Variants in DOCK9 observed in about 807,000 individuals in gnomAD.
The protein encoded by DOCK9 is dedicator of cytokinesis 9.
DOCK9 carries 89 observed loss-of-function variants against 263.3 expected under a neutral mutation model. The ratio of observed to expected loss-of-function variants is 0.34; its 90% CI spans 0.28 to 0.40. The LOEUF (loss-of-function observed/expected upper bound fraction) is 0.40, where lower values mean the gene tolerates loss of function less well. DOCK9 is among the 10% of genes least tolerant of loss of function. The probability of loss-of-function intolerance (pLI) is 1.00; values close to 1 mark genes in which losing one functional copy is unlikely to be tolerated. For missense variants in DOCK9, 2,140 were observed against 2,603.4 expected, an observed-to-expected ratio of 0.82 and a Z score of 3.87; for synonymous variants, 976 against 973.1, an observed-to-expected ratio of 1.00 and a Z score of -0.06.
chr13:98,939,059 C>T (rs1422884308), intron 2 of DOCK9, among the ~76,000 whole-genome samples: 1 of 152,226 alleles, frequency 6.6e-6, no homozygotes, highest in Admixed American at 6.5e-5. Flanking sequence ...GGCTCTGATG[C>T]AGGAAGAGAT....
At chr13:98,834,856 A>C (rs1217319969) in intron 39 of DOCK9, among the ~76,000 whole-genome samples, 1 of 151,976 alleles carries the variant, frequency 6.6e-6, no homozygotes, top group East Asian at 1.9e-4. Context: ...TCTTTACTCA[A>C]CTCACTTCAT....
At chr13:98,899,826 T>A (rs548502256) in intron 13 of DOCK9, among the ~76,000 whole-genome samples, 1 of 152,336 alleles carries the variant, frequency 6.6e-6, no homozygotes, top group African/African-American at 2.4e-5. Flanking sequence ...GAACACAGTA[T>A]GTGTGAAAGT....
chr13:98,855,797 CA>C, intron 34 of DOCK9, 100 bp downstream of exon 34: 1 of 1,457,176 alleles, frequency 6.9e-7, no homozygotes. Flanking sequence ...TAGAAAAAAA[CA>C]AAAGGTCACA....
chr13:99,012,959 T>C (rs187084066), intron 1 of DOCK9, among the ~76,000 whole-genome samples: 46 of 152,298 alleles, frequency 3.0e-4, no homozygotes, highest in Middle Eastern at 3.4e-3. Flanking sequence ...CTCAGTAGTT[T>C]CTCCAAGTTC....
intron 1 of DOCK9, among the ~76,000 whole-genome samples, chr13:98,999,316 A>ACACACACACACACACACACACT: frequency 3.6e-5 from 5 of 138,292 alleles, no homozygotes; most frequent in Admixed American, 7.0e-5. Context: ...ACACACACAC[A>ACACACACACACACACACACACT]CTCTCTCTCT....
intron 38 of DOCK9, among the ~76,000 whole-genome samples, chr13:98,843,409 C>G (rs1594592206): frequency 1.3e-5 from 2 of 152,114 alleles, no homozygotes; most frequent in Non-Finnish European, 2.9e-5. Flanking sequence ...AGTATGCACT[C>G]CCTTCTCTGT....
chr13:99,063,670 C>G (rs1452946361), intron 1 of DOCK9, among the ~76,000 whole-genome samples: 1 of 152,166 alleles, frequency 6.6e-6, no homozygotes, highest in East Asian at 1.9e-4. Flanking sequence ...GGGACCAATA[C>G]TTTTATAAAA....
At chr13:99,077,180 A>G (rs555573882) in intron 1 of DOCK9, among the ~76,000 whole-genome samples, 78 of 152,296 alleles carry the variant, frequency 5.1e-4, no homozygotes, top group African/African-American at 1.8e-3. Flanking sequence ...TTGAACCTAT[A>G]AGGATGGATT....
intron 49 of DOCK9, 57 bp downstream of exon 49, chr13:98,804,942 G>A: frequency 2.0e-6 from 3 of 1,536,856 alleles, no homozygotes; most frequent in Non-Finnish European, 2.6e-6. Context: ...AATCCCTCTG[G>A]ACAGCTCTTT....
intron 27 of DOCK9, among the ~76,000 whole-genome samples, chr13:98,877,762 C>A (rs1488666424): frequency 6.6e-6 from 1 of 152,120 alleles, no homozygotes; most frequent in African/African-American, 2.4e-5. Context: ...TCCTTGAGGG[C>A]AAAAACTGTG....
At chr13:98,974,025 G>A (rs1431947405) in intron 1 of DOCK9, among the ~76,000 whole-genome samples, 1 of 152,086 alleles carries the variant, frequency 6.6e-6, no homozygotes, top group Non-Finnish European at 1.5e-5. Flanking sequence ...CCTCACAAAA[G>A]GAACCCAATG....
intron 1 of DOCK9, among the ~76,000 whole-genome samples, chr13:99,036,901 AAAAC>A (rs1309392616): frequency 1.3e-5 from 2 of 152,194 alleles, no homozygotes; most frequent in African/African-American, 2.4e-5. Flanking sequence ...AAGACATCTG[AAAAC>A]AAACATTTTG....
At chr13:98,873,435 C>G (rs2094240980) in intron 27 of DOCK9, among the ~76,000 whole-genome samples, 1 of 152,234 alleles carries the variant, frequency 6.6e-6, no homozygotes, top group African/African-American at 2.4e-5. Context: ...TCTGTTCTCT[C>G]TTCCCTCTCA....
At chr13:99,087,604 C>T (rs1339388202), upstream of DOCK9, among the ~76,000 whole-genome samples, 1 of 152,218 alleles carries the variant, frequency 6.6e-6, no homozygotes, top group African/African-American at 2.4e-5. Context: ...CCTAAGGGCC[C>T]GCTCCCGCCC....
intron 1 of DOCK9, among the ~76,000 whole-genome samples, chr13:98,993,617 C>T (rs1186629690): frequency 7.2e-5 from 11 of 152,108 alleles, no homozygotes; most frequent in African/African-American, 2.4e-4. Context: ...TAGGTGGTGG[C>T]GGGCACCTGT....
intron 21 of DOCK9, among the ~76,000 whole-genome samples, chr13:98,884,576 T>C (rs1309453517): frequency 1.3e-5 from 2 of 152,222 alleles, no homozygotes; most frequent in Non-Finnish European, 2.9e-5. Flanking sequence ...GGTTTCAGAA[T>C]GTGCAACCCT....
chr13:98,944,531 T>C (rs1293032619), intron 2 of DOCK9, among the ~76,000 whole-genome samples: 1 of 152,124 alleles, frequency 6.6e-6, no homozygotes, highest in Non-Finnish European at 1.5e-5. Context: ...TTCCGCTGAG[T>C]TCTCTGGCTC....
At chr13:98,909,282 A>G (rs1294895340) in intron 9 of DOCK9, among the ~76,000 whole-genome samples, 2 of 152,202 alleles carry the variant, frequency 1.3e-5, no homozygotes. Flanking sequence ...CACTAATGAC[A>G]CACCCTGACA....
intron 50 of DOCK9, among the ~76,000 whole-genome samples, chr13:98,799,282 ATG>A (rs2089825077): frequency 6.6e-6 from 1 of 152,256 alleles, no homozygotes; most frequent in South Asian, 2.1e-4. Context: ...TATAATCCAC[ATG>A]TAACTTTCAT....
Sources: allele counts gnomAD v4.1 joint callset (sites outside exome capture counted in the v4.1 genomes callset), GRCh38; gene constraint gnomAD v4.1.1; transcripts MANE v1.5; gene names NCBI Gene and HGNC (gene_info 2026-07-23, HGNC 2026-07-21).